The following EVI5 variants were observed in gnomAD, a reference collection of about 807,000 sequenced individuals.
EVI5 encodes ecotropic viral integration site 5 protein homolog.
EVI5 carries 73 observed loss-of-function variants against 112.0 expected under a neutral mutation model. That is an observed-to-expected ratio of 0.65 (90% CI 0.54 to 0.79). The LOEUF is 0.79. Among genes scored for constraint, EVI5 ranks in the 30% least tolerant of loss-of-function variants. The pLI, the probability that EVI5 is intolerant of heterozygous loss-of-function variation, is 0.00. For synonymous variants in EVI5, 305 were observed against 319.9 expected (o/e 0.95, Z 0.50); for missense variants, 900 against 968.8 (o/e 0.93, Z 0.94).
Position 92,588,188 on chromosome 1 carries a change from C to T in EVI5, c.2070+17119G>A, listed in dbSNP as rs185867006. 1.7e-3 allele frequency among the ~76,000 whole-genome samples: 266 copies of T among 152,300 alleles called. 1 individual carries two copies. Among genetic ancestry groups the T allele is most frequent in the African/African-American group, 5.8e-3 (243 of 41,570 alleles). ...GAATTCTTACAAGTATTTTTTGAATCAGTTCAATTAAATCTTTTTAACAGC... is the reference window on the plus strand; with the variant it reads ...GAATTCTTACAAGTATTTTTTGAATTAGTTCAATTAAATCTTTTTAACAGC... On this transcript the variant is annotated intron_variant, in intron 18 of 19. Transcript: ENST00000684568.
intron 18 of EVI5, among the ~76,000 whole-genome samples, chr1:92,602,831 A>G (rs1160458177): frequency 1.3e-5 from 2 of 152,228 alleles, no homozygotes. Flanking sequence ...AAAAAACAAA[A>G]CAAAACAAAA....
At chr1:92,584,478 T>C (rs1231221262) in intron 18 of EVI5, among the ~76,000 whole-genome samples, 1 of 152,224 alleles carries the variant, frequency 6.6e-6, no homozygotes, top group Admixed American at 6.5e-5. Context: ...ACTTGGTAAG[T>C]AATCACTCTG....
chr1:92,579,713 A>G (rs182505899), intron 18 of EVI5, among the ~76,000 whole-genome samples: 85 of 152,332 alleles, frequency 5.6e-4, no homozygotes, highest in Middle Eastern at 6.8e-3. Flanking sequence ...TAGAAAAAAT[A>G]GTTTTAACTA....
At chr1:92,747,576 T>G (rs1679470092) in intron 1 of EVI5, among the ~76,000 whole-genome samples, 1 of 150,318 alleles carries the variant, frequency 6.7e-6, no homozygotes, top group Non-Finnish European at 1.5e-5. Context: ...TAGCCGGGAG[T>G]GATGTTGGGT....
intron 1 of EVI5, among the ~76,000 whole-genome samples, chr1:92,762,683 A>G (rs1432939880): frequency 4.6e-5 from 7 of 152,222 alleles, no homozygotes; most frequent in Non-Finnish European, 8.8e-5. Context: ...GGCAGAAATT[A>G]TATTTGAAAA....
intron 1 of EVI5, among the ~76,000 whole-genome samples, chr1:92,777,915 T>C (rs957606041): frequency 4.0e-5 from 6 of 151,376 alleles, no homozygotes; most frequent in African/African-American, 9.7e-5. Flanking sequence ...AAATCTTTTT[T>C]TTTTTTTTTT....
At chr1:92,695,563 T>C (rs1014898031) in intron 6 of EVI5, 110 bp from the exon 7 acceptor site, 1 of 610,428 alleles carries the variant, frequency 1.6e-6, no homozygotes, top group Non-Finnish European at 2.6e-6. Context: ...TCAAGCATCA[T>C]ATGGAAAAGG....
chr1:92,660,750 T>A (rs770683374), intron 13 of EVI5, among the ~76,000 whole-genome samples: 2 of 151,984 alleles, frequency 1.3e-5, no homozygotes, highest in Non-Finnish European at 2.9e-5. Flanking sequence ...TCTATTTATT[T>A]GAAATTCTAG....
intron 14 of EVI5, among the ~76,000 whole-genome samples, chr1:92,634,059 G>A (rs1031073789): frequency 2.0e-5 from 3 of 152,160 alleles, no homozygotes; most frequent in Non-Finnish European, 2.9e-5. Flanking sequence ...CTGTTAGTCT[G>A]ATGGGCTTCC....
intron 1 of EVI5, among the ~76,000 whole-genome samples, chr1:92,779,745 T>G (rs916605574): frequency 6.6e-6 from 1 of 151,998 alleles, no homozygotes; most frequent in Non-Finnish European, 1.5e-5. Flanking sequence ...ATATAAAAAT[T>G]TTTTTAATTT....
intron 2 of EVI5, among the ~76,000 whole-genome samples, chr1:92,706,259 TTAA>T (rs1671951001): frequency 6.6e-6 from 1 of 152,104 alleles, no homozygotes; most frequent in Non-Finnish European, 1.5e-5. Flanking sequence ...AAAAAAAGAA[TTAA>T]TGATGATGTT....
chr1:92,717,745 C>A (rs1182766676), intron 2 of EVI5, among the ~76,000 whole-genome samples: 3 of 152,012 alleles, frequency 2.0e-5, no homozygotes, highest in Admixed American at 6.6e-5. Flanking sequence ...AAGACACAGA[C>A]TGGCAAATTA....
At chr1:92,571,567 T>C (rs1281918175) in intron 18 of EVI5, among the ~76,000 whole-genome samples, 1 of 152,176 alleles carries the variant, frequency 6.6e-6, no homozygotes, top group Non-Finnish European at 1.5e-5. Context: ...TTTAGGATCC[T>C]CTTTAAAAGT....
At chr1:92,566,496 A>G (rs7417452) in intron 18 of EVI5, among the ~76,000 whole-genome samples, 92,755 of 152,118 alleles carry the variant, frequency 0.61, 29,139 homozygotes, top group East Asian at 0.92. Flanking sequence ...TGGCATATAC[A>G]ATTATGCACA....
At chr1:92,676,160 T>C (rs1366239462) in intron 10 of EVI5, among the ~76,000 whole-genome samples, 1 of 149,902 alleles carries the variant, frequency 6.7e-6, no homozygotes, top group East Asian at 2.0e-4. Context: ...GGGAGGAGAG[T>C]TGATAAGAGA....
intron 2 of EVI5, among the ~76,000 whole-genome samples, chr1:92,707,937 G>A (rs1358996100): frequency 6.6e-6 from 1 of 152,120 alleles, no homozygotes; most frequent in Non-Finnish European, 1.5e-5. Context: ...ATAAACTGCT[G>A]ACATGTGCAT....
intron 12 of EVI5, 63 bp from the exon 13 acceptor site, chr1:92,662,928 G>T: frequency 2.4e-6 from 2 of 840,448 alleles, no homozygotes; most frequent in Non-Finnish European, 3.0e-6. Context: ...GACTGCCTTT[G>T]TGAGGTTTAG....
chr1:92,545,584 T>C (rs921468982), intron 19 of EVI5, among the ~76,000 whole-genome samples: 13 of 152,260 alleles, frequency 8.5e-5, no homozygotes, highest in African/African-American at 2.9e-4. Flanking sequence ...ACACACCTCA[T>C]ATGGACCAAG....
intron 13 of EVI5, among the ~76,000 whole-genome samples, chr1:92,658,726 A>T (rs1663447220): frequency 6.6e-6 from 1 of 152,212 alleles, no homozygotes; most frequent in Non-Finnish European, 1.5e-5. Context: ...TTAGGAAAAA[A>T]AAATCCTAAA....
Sources: gnomAD v4.1 joint callset for allele counts (sites outside exome capture counted in the v4.1 genomes callset) on GRCh38, gnomAD v4.1.1 for gene constraint, MANE v1.5 for transcripts, NCBI Gene and HGNC (gene_info 2026-07-23, HGNC 2026-07-21) for gene names.